CPS1: variants seen among roughly 807,000 people sequenced by gnomAD.
The protein encoded by CPS1 is carbamoyl-phosphate synthase [ammonia], mitochondrial.
In CPS1, 109 loss-of-function variants were observed where a neutral mutation model predicts 174.6. The ratio of observed to expected loss-of-function variants is 0.62; its 90% CI spans 0.53 to 0.73. The LOEUF (loss-of-function observed/expected upper bound fraction) is 0.73. Ranked by LOEUF, CPS1 falls within the 30% of genes least tolerant of loss-of-function variation. The pLI is 0.00. For missense variants in CPS1, 1,689 were observed against 1,821.9 expected, an observed-to-expected ratio of 0.93 and a Z score of 1.33; for synonymous variants, 637 against 632.0, an observed-to-expected ratio of 1.01 and a Z score of -0.12.
intron 1 of CPS1, among the ~76,000 whole-genome samples, chr2:210,489,276 C>T (rs531995962): frequency 1.3e-5 from 2 of 152,240 alleles, no homozygotes; most frequent in African/African-American, 4.8e-5. Flanking sequence ...ACTCTTTGTA[C>T]CTAGGGTCAG....
intron 1 of CPS1, among the ~76,000 whole-genome samples, chr2:210,542,496 T>C (rs994219350): frequency 2.0e-5 from 3 of 152,122 alleles, no homozygotes; most frequent in African/African-American, 4.8e-5. Flanking sequence ...TAAGAGAAGA[T>C]ATATTTCCTA....
Position 210,606,743 on chromosome 2 carries a change from T to C in CPS1, c.1994T>C (p.Val665Ala). Residue 665 changes from valine to alanine, a missense_variant, in exon 18 of 38, where the codon GTT becomes GCT. Val to Ala is a moderately conservative substitution (Grantham distance 64). Coordinates refer to ENST00000233072, the MANE Select transcript of CPS1 (RefSeq NM_001875.5). ...CTTGGATATATAGGTGACTCAGTTG[T>C]TGTGGCTCCTGCCCAGACACTCTCC... ...AMGVHTGDSV[V>A]VAPAQTLSNA... 1 of 1,612,338 alleles carries C rather than the reference T, an allele frequency of 6.2e-7. No individual in the cohort carries two copies. Among genetic ancestry groups the C allele is most frequent in the Non-Finnish European group, 8.5e-7 (1 of 1,178,946 alleles).
intron 29 of CPS1, among the ~76,000 whole-genome samples, chr2:210,656,231 G>A (rs541600601): frequency 1.3e-5 from 2 of 152,232 alleles, no homozygotes; most frequent in Admixed American, 6.5e-5. Flanking sequence ...TTCCTATCCT[G>A]TTCTTAAAAG....
At position 210,629,323 on chromosome 2, in the gene CPS1, CT is replaced by C. The variant is rs931151734; in HGVS notation, c.2688-8370del. Among the ~76,000 whole-genome samples, 3 of 150,344 alleles carry C rather than the reference CT, an allele frequency of 2.0e-5. No homozygotes were observed. In the South Asian group the frequency reaches 6.3e-4, roughly 32 times the overall value. On this transcript the variant is annotated intron_variant, in intron 21 of 37. Coordinates refer to ENST00000233072, the MANE Select transcript of CPS1 (RefSeq NM_001875.5). ...ATTGGTATCAGCATCCTTTTTTTTT[CT>C]TTTTTTTTGAGACGGAGTCTCGCTC...
At chr2:210,514,446 A>G (rs528553867) in intron 1 of CPS1, among the ~76,000 whole-genome samples, 1 of 151,768 alleles carries the variant, frequency 6.6e-6, no homozygotes, top group South Asian at 2.1e-4. Context: ...TAGCTATTGT[A>G]AATGAGACTG....
chr2:210,671,926 G>T (rs1277964137), intron 34 of CPS1: 1 of 151,976 alleles, frequency 6.6e-6, no homozygotes, highest in African/African-American at 2.4e-5. Context: ...AATGTTTTTC[G>T]TGGTGATTTT....
At position 210,565,616 on chromosome 2, in the gene CPS1, C is replaced by T. The variant is rs114039175; in HGVS notation, c.127-7682C>T. ...AAACATATTGGTTCAAAAGTTTAAACGTATTTCTTTGTTTTATGAGATTCA... is the reference window on the plus strand; with the variant it reads ...AAACATATTGGTTCAAAAGTTTAAATGTATTTCTTTGTTTTATGAGATTCA... On this transcript the variant is annotated intron_variant, in intron 1 of 37. Transcript: ENST00000233072. Among the ~76,000 whole-genome samples the T allele has an allele frequency of 8.7e-3, 1,329 of 152,080 alleles. 13 individuals carry two copies. Among genetic ancestry groups the T allele is most frequent in the African/African-American group, 0.029 (1,220 of 41,494 alleles).
At chr2:210,571,363 C>T (rs573173251) in intron 1 of CPS1, among the ~76,000 whole-genome samples, 11 of 151,992 alleles carry the variant, frequency 7.2e-5, no homozygotes, top group Non-Finnish European at 1.2e-4. Flanking sequence ...CGCATATGCT[C>T]ACTCACACAC....
intron 34 of CPS1, among the ~76,000 whole-genome samples, chr2:210,670,085 TGAGAGCTGGCTA>T (rs1701246188): frequency 6.6e-6 from 1 of 152,104 alleles, no homozygotes. Context: ...CTTAAAGTAG[TGAGAGCTGGCTA>T]TTGAAAATCT....
At chr2:210,477,808 G>A (rs1694436792) in intron 1 of CPS1, 2 of 1,608,954 alleles carry the variant, frequency 1.2e-6, no homozygotes, top group African/African-American at 1.3e-5. Flanking sequence ...TAAAAGATGG[G>A]TGTTTGAAGG....
At chr2:210,550,640 A>G (rs1408558574) in intron 1 of CPS1, among the ~76,000 whole-genome samples, 1 of 151,986 alleles carries the variant, frequency 6.6e-6, no homozygotes, top group Non-Finnish European at 1.5e-5. Flanking sequence ...AGTGGAGCCA[A>G]TAGAACAGAT....
intron 1 of CPS1, among the ~76,000 whole-genome samples, chr2:210,548,337 A>G (rs1170133660): frequency 6.6e-6 from 1 of 152,038 alleles, no homozygotes; most frequent in African/African-American, 2.4e-5. Context: ...TAACTTCCTC[A>G]TACCGAGTTC....
At chr2:210,524,287 C>G (rs1416799533) in intron 1 of CPS1, among the ~76,000 whole-genome samples, 1 of 151,810 alleles carries the variant, frequency 6.6e-6, no homozygotes, top group Non-Finnish European at 1.5e-5. Context: ...ATTTTTCTTT[C>G]TTGAACCTAC....
intron 1 of CPS1, among the ~76,000 whole-genome samples, chr2:210,558,101 C>A (rs939915708): frequency 6.6e-6 from 1 of 151,714 alleles, no homozygotes; most frequent in Admixed American, 6.6e-5. Flanking sequence ...CATATAGTAG[C>A]CTTAGTGGTG....
Position 210,660,623 on chromosome 2 carries a change from C to A in CPS1, c.3895C>A (p.Pro1299Thr). Reference sequence around the variant, plus strand: ...GAAACATCTTCCAACATTGGACCATCCCATAATTCCTGCTGACTATGTTGC... The same window carrying A: ...GAAACATCTTCCAACATTGGACCATACCATAATTCCTGCTGACTATGTTGC... ...DEKHLPTLDH[P>T]IIPADYVAIK... Residue 1299 changes from proline to threonine, a missense_variant, in exon 32 of 38, where the codon CCC becomes ACC. Pro to Thr is a conservative substitution (Grantham distance 38, BLOSUM62 -1). Coordinates refer to ENST00000233072, the MANE Select transcript of CPS1 (RefSeq NM_001875.5). 6.2e-7 allele frequency: 1 copy of A among 1,614,072 alleles called. No homozygotes were observed. Among genetic ancestry groups the A allele is most frequent in the Non-Finnish European group, 8.5e-7 (1 of 1,179,948 alleles).
At chr2:210,484,580 G>A (rs907075092) in intron 1 of CPS1, among the ~76,000 whole-genome samples, 22 of 152,100 alleles carry the variant, frequency 1.4e-4, no homozygotes, top group African/African-American at 4.8e-4. Context: ...CAACCATCAG[G>A]CCTCCCAGAT....
intron 20 of CPS1, 37 bp from the exon 21 acceptor site, chr2:210,616,386 T>C: frequency 7.1e-7 from 1 of 1,399,236 alleles, no homozygotes; most frequent in South Asian, 1.2e-5. Context: ...TTTAGAAAAA[T>C]GTTTGCCAAA....
At chr2:210,532,676 C>G (rs1244429592) in intron 1 of CPS1, among the ~76,000 whole-genome samples, 3 of 152,022 alleles carry the variant, frequency 2.0e-5, no homozygotes, top group Non-Finnish European at 4.4e-5. Flanking sequence ...TTAAATTACT[C>G]ACTAGTTTCG....
At chr2:210,557,003 T>C in intron 1 of CPS1, 144 bp downstream of exon 1, 3 of 965,722 alleles carry the variant, frequency 3.1e-6, no homozygotes, top group South Asian at 3.0e-5. Flanking sequence ...CTGTGGAACC[T>C]ACTGACTTAG....
Sources: gnomAD v4.1 joint callset for allele counts (sites outside exome capture counted in the v4.1 genomes callset) on GRCh38, gnomAD v4.1.1 for gene constraint, MANE v1.5 for transcripts, NCBI Gene and HGNC (gene_info 2026-07-23, HGNC 2026-07-21) for gene names.